Variants in TRA2A observed in about 807,000 individuals in gnomAD.
The protein encoded by TRA2A is transformer 2 alpha homolog.
A neutral mutation model predicts 45.7 loss-of-function variants in TRA2A; 31 were observed. The ratio of observed to expected loss-of-function variants is 0.68; its 90% confidence interval spans 0.51 to 0.92. The LOEUF (loss-of-function observed/expected upper bound fraction) is 0.92. TRA2A is among the 40% of genes least tolerant of loss of function. The pLI, the probability that TRA2A is intolerant of heterozygous loss-of-function variation, is 0.00. For synonymous variants in TRA2A, 132 were observed against 126.2 expected, an observed-to-expected ratio of 1.05 and a Z score of -0.31; for missense variants, 304 against 367.5, an observed-to-expected ratio of 0.83 and a Z score of 1.41.
intron 2 of TRA2A, among the ~76,000 whole-genome samples, chr7:23,520,209 C>G (rs1311399140): frequency 6.6e-6 from 1 of 152,182 alleles, no homozygotes; most frequent in Non-Finnish European, 1.5e-5. Flanking sequence ...GAGCGAGACT[C>G]CATCTCAAAA....
intron 4 of TRA2A, among the ~76,000 whole-genome samples, chr7:23,509,478 G>A (rs925646909): frequency 6.6e-6 from 1 of 152,182 alleles, no homozygotes; most frequent in African/African-American, 2.4e-5. Flanking sequence ...GCTCACACCT[G>A]TACTCCCAGC....
chr7:23,519,679 C>CT, intron 2 of TRA2A, among the ~76,000 whole-genome samples: 1 of 152,292 alleles, frequency 6.6e-6, no homozygotes, highest in South Asian at 2.1e-4. Context: ...CACCCATTTT[C>CT]TGTTAACTAA....
intron 5 of TRA2A, among the ~76,000 whole-genome samples, chr7:23,506,918 G>A (rs1332232791): frequency 6.6e-6 from 1 of 152,082 alleles, no homozygotes; most frequent in African/African-American, 2.4e-5. Flanking sequence ...TGGGACTACA[G>A]GTGCCTGCCA....
At chr7:23,513,289 T>C (rs987984934) in intron 3 of TRA2A, among the ~76,000 whole-genome samples, 1 of 152,202 alleles carries the variant, frequency 6.6e-6, no homozygotes, top group Non-Finnish European at 1.5e-5. Flanking sequence ...ATATGCTTTC[T>C]GTCTATAGCC....
chr7:23,518,534 G>T (rs557547454), intron 2 of TRA2A, among the ~76,000 whole-genome samples: 20 of 152,078 alleles, frequency 1.3e-4, no homozygotes, highest in Admixed American at 2.6e-4. Context: ...TAGAGACGGG[G>T]TTTCCACCAT....
intron 1 of TRA2A, among the ~76,000 whole-genome samples, chr7:23,528,902 G>C (rs915786440): frequency 5.3e-5 from 8 of 152,112 alleles, no homozygotes; most frequent in African/African-American, 1.9e-4. Flanking sequence ...GAGGCAATAA[G>C]AAGCGGTATT....
At chr7:23,511,427 A>T (rs1347807992) in intron 4 of TRA2A, among the ~76,000 whole-genome samples, 2 of 139,254 alleles carry the variant, frequency 1.4e-5, no homozygotes, top group Non-Finnish European at 3.1e-5. Context: ...AAAAGAAAAG[A>T]AAAACACCCT....
rs11972204 is a variant in TRA2A, at chr7:23,508,876, C to A, written c.526-1341G>T. Among the ~76,000 whole-genome samples, 877 of 152,248 alleles carry A rather than the reference C, an allele frequency of 5.8e-3. 12 individuals are homozygous for A. Among genetic ancestry groups the A allele is most frequent in the African/African-American group, 0.02 (840 of 41,542 alleles). On this transcript the variant is annotated intron_variant, in intron 4 of 7. Coordinates refer to ENST00000297071, the MANE Select transcript of TRA2A (RefSeq NM_013293.5). ...GTGGCCTCAAGTGGCCTTCCCACCT[C>A]AGCCTCCCAAATAGCATGAGCCGCC...
At chr7:23,517,785 A>T (rs1378395044) in intron 2 of TRA2A, among the ~76,000 whole-genome samples, 1 of 151,236 alleles carries the variant, frequency 6.6e-6, no homozygotes, top group Non-Finnish European at 1.5e-5. Flanking sequence ...GGTGGCGCAC[A>T]CCTGTCATCC....
intron 3 of TRA2A, 60 bp downstream of exon 3, chr7:23,516,303 G>A (rs1722683799): frequency 6.4e-7 from 1 of 1,572,054 alleles, no homozygotes; most frequent in African/African-American, 1.4e-5. Flanking sequence ...AGCAAGATAT[G>A]CCATGACTAA....
intron 3 of TRA2A, among the ~76,000 whole-genome samples, chr7:23,513,374 T>G (rs990834562): frequency 6.6e-6 from 1 of 152,100 alleles, no homozygotes; most frequent in Admixed American, 6.6e-5. Context: ...TCCCAGCATT[T>G]TGGGAGGCTG....
intron 1 of TRA2A, among the ~76,000 whole-genome samples, chr7:23,530,906 C>A (rs888690860): frequency 4.0e-4 from 57 of 142,462 alleles, no homozygotes; most frequent in Non-Finnish European, 7.4e-4. Flanking sequence ...TAAAGAAAGA[C>A]AGATTTTTTT....
At chr7:23,525,861 G>A (rs1790319525) in intron 1 of TRA2A, among the ~76,000 whole-genome samples, 1 of 152,160 alleles carries the variant, frequency 6.6e-6, no homozygotes, top group African/African-American at 2.4e-5. Context: ...CTCGCAAAGT[G>A]CTGGGATTAC....
rs539212479 is a variant in TRA2A, at chr7:23,531,530, C to T, written c.36+259G>A. ...TCAGGGGTGGGGAGAAGGGAGGAAG[C>T]AATGCGGGGGCGGGGAGGGAAGAGG... On this transcript the variant is annotated intron_variant, in intron 1 of 7. Transcript: ENST00000297071. The T allele has an allele frequency of 1.0e-4, 59 of 570,010 alleles. 2 individuals are homozygous for T. Among genetic ancestry groups the T allele is most frequent in the African/African-American group, 1.0e-3 (53 of 52,978 alleles). The allele number at this position is 570,010 out of a possible 1,614,324, so 35.3% of individuals were successfully genotyped here.
chr7:23,508,275 T>TAA lies in TRA2A; in HGVS notation c.526-742_526-741dup, dbSNP rs67642004. ...GAGTGTCCCATAAACTAAAGGTCATTAAAAAAAAAAAAAAAAAAAAAAGGA... is the reference window on the plus strand; with the variant it reads ...GAGTGTCCCATAAACTAAAGGTCATTAAAAAAAAAAAAAAAAAAAAAAAAGGA... On this transcript the variant is annotated intron_variant, in intron 4 of 7. Transcript: ENST00000297071. Among the ~76,000 whole-genome samples the TAA allele has an allele frequency of 7.7e-3, 778 of 101,502 alleles. 6 individuals are homozygous for TAA. Among genetic ancestry groups the TAA allele is most frequent in the South Asian group, 0.014 (39 of 2,754 alleles). 66.6% of individuals were successfully genotyped at this position (101,502 alleles called of 152,430 possible). A position where few individuals can be genotyped will look rare whatever the true frequency, so the allele number is the denominator to read the frequency against.
rs779833964 is a variant in TRA2A, at chr7:23,516,486, G to A, written c.213C>T (p.Ser71=). Residue 71 remains serine, a synonymous_variant, in exon 3 of 8, where the codon TCC becomes TCT. Transcript: ENST00000297071. ...TCCTATGAGAGTGAGAGTGGGATCT[G>A]GATCGAGTGTAACGTCTATGAGAAT... is the stretch of plus-strand genomic sequence containing the variant. ...RRHSHRRYTR[S]RSHSHSHRRR... 5 of 1,614,204 alleles carry A rather than the reference G, an allele frequency of 3.1e-6. No individual in the cohort carries two copies. Among genetic ancestry groups the A allele is most frequent in the Non-Finnish European group, 4.2e-6 (5 of 1,180,036 alleles).
intron 2 of TRA2A, among the ~76,000 whole-genome samples, chr7:23,518,389 T>G (rs976394313): frequency 9.9e-5 from 15 of 152,202 alleles, no homozygotes; most frequent in African/African-American, 3.6e-4. Context: ...TCACCCAGGC[T>G]GGAGTGCAAT....
chr7:23,506,170 A>C lies in TRA2A; in HGVS notation c.738T>G (p.Tyr246Ter). 6.2e-7 allele frequency: 1 copy of C among 1,613,510 alleles called. No homozygotes were observed. Among genetic ancestry groups the C allele is most frequent in the Non-Finnish European group, 8.5e-7 (1 of 1,179,596 alleles). Residue 246 changes from tyrosine to a stop codon, truncating the protein, a stop_gained, in exon 6 of 8, where the codon TAT (tyrosine) becomes TAG (stop). Transcript: ENST00000297071. LOFTEE classifies it high-confidence loss of function. ...GGTAATCATAGTCTTCATATCTGTC[A>C]TACCCACGATCATATCCTCTATCAT... ...SYYDRGYDRGYDRYEDYDYRY... is the reference protein window; with the variant it reads ...SYYDRGYDRG
At chr7:23,512,788 G>GA (rs951616052) in intron 4 of TRA2A, 106 bp downstream of exon 4, 3 of 837,210 alleles carry the variant, frequency 3.6e-6, no homozygotes, top group Admixed American at 3.6e-5. Context: ...AAAAAAAAAA[G>GA]AAAAAAAGGA....
Sources: gnomAD v4.1 joint callset for allele counts (sites outside exome capture counted in the v4.1 genomes callset) on GRCh38, gnomAD v4.1.1 for gene constraint, MANE v1.5 for transcripts, NCBI Gene and HGNC (gene_info 2026-07-23, HGNC 2026-07-21) for gene names.